RPTOR: variants seen among roughly 807,000 people sequenced by gnomAD.
The protein encoded by RPTOR is regulatory associated protein of MTOR complex 1.
A neutral mutation model predicts 169.9 loss-of-function variants in RPTOR; 21 were observed. That is an observed-to-expected ratio of 0.12 (90% CI 0.09 to 0.18). RPTOR has a LOEUF of 0.18. RPTOR is among the 10% of genes least tolerant of loss of function. The probability of loss-of-function intolerance (pLI) is 1.00; values close to 1 mark genes in which losing one functional copy is unlikely to be tolerated. For synonymous variants in RPTOR, 732 were observed against 753.2 expected, an observed-to-expected ratio of 0.97 and a Z score of 0.46; for missense variants, 1,133 against 1,855.9, an observed-to-expected ratio of 0.61 and a Z score of 7.16.
In RPTOR at chr17:80,548,216, T is replaced by C. The variant is rs549892284; in HGVS notation, c.162+2425T>C. The stretch of plus-strand genomic sequence containing the variant: ...CTCTCACCTCAGCCTCCCCAGTAGC[T>C]GAGACTATAAGTGTGCGCCAGTGTG... On this transcript the variant is annotated intron_variant, in intron 1 of 33. Transcript: ENST00000306801. Among the ~76,000 whole-genome samples the C allele has an allele frequency of 2.0e-4, 31 of 151,320 alleles. No homozygotes were observed. The East Asian group carries it at 6.1e-3, about 30-fold the overall frequency.
At chr17:80,582,186 TGTGGTGGAAGC>T (rs1331314566) in intron 1 of RPTOR, among the ~76,000 whole-genome samples, 2 of 152,290 alleles carry the variant, frequency 1.3e-5, no homozygotes, top group South Asian at 2.1e-4. Context: ...GAAAGATGCT[TGTGGTGGAAGC>T]GTGGTTACTA....
At position 80,685,620 on chromosome 17, in the gene RPTOR, TATA is replaced by T. The variant is rs1567856514; in HGVS notation, c.349-22220_349-22218del. Among the ~76,000 whole-genome samples the T allele has an allele frequency of 1.6e-3, 45 of 27,510 alleles. 1 individual carries two copies. Among genetic ancestry groups the T allele is most frequent in the South Asian group, 7.2e-3 (4 of 552 alleles). The allele number at this position is 27,510 out of a possible 152,430, so 18.0% of individuals were successfully genotyped here. A position where few individuals can be genotyped will look rare whatever the true frequency, so the allele number is the denominator to read the frequency against. ...CCATTTCCATATATATATATATATA[TATA>T]TATATTTTTTTTTTTTTTTTTTTTT... is the stretch of plus-strand genomic sequence containing the variant. On this transcript the variant is annotated intron_variant, in intron 3 of 33. Transcript: ENST00000306801.
intron 4 of RPTOR, among the ~76,000 whole-genome samples, chr17:80,729,165 C>T (rs796218027): frequency 5.9e-5 from 9 of 152,238 alleles, no homozygotes; most frequent in African/African-American, 1.2e-4. Flanking sequence ...GCTTCCTGCA[C>T]GCCATACTTC....
intron 10 of RPTOR, among the ~76,000 whole-genome samples, chr17:80,841,676 ACACT>A (rs67971586): frequency 0.05 from 5,465 of 109,656 alleles, 401 homozygotes; most frequent in Non-Finnish European, 0.062. Flanking sequence ...GCCGCAGCTC[ACACT>A]CACCGCACGG....
At chr17:80,583,458 C>T (rs530482575) in intron 1 of RPTOR, among the ~76,000 whole-genome samples, 7 of 152,238 alleles carry the variant, frequency 4.6e-5, no homozygotes, top group South Asian at 2.1e-4. Flanking sequence ...CCCAAAGTGC[C>T]GGGATTATAG....
chr17:80,929,877 T>G (rs915197869), intron 24 of RPTOR, among the ~76,000 whole-genome samples: 6 of 152,178 alleles, frequency 3.9e-5, no homozygotes, highest in Admixed American at 6.5e-5. Flanking sequence ...TTTTTCTGTT[T>G]TGTTTTGTTT....
intron 1 of RPTOR, among the ~76,000 whole-genome samples, chr17:80,604,933 T>C (rs200173294): frequency 6.4e-4 from 63 of 97,880 alleles, no homozygotes; most frequent in South Asian, 2.6e-3. Context: ...TTTTTTCCCC[T>C]TTTTTTTTTG....
rs143538703 is a variant in RPTOR, at chr17:80,816,021, C to T, written c.891-6180C>T. On this transcript the variant is annotated intron_variant, in intron 7 of 33. Transcript: ENST00000306801. ...CCGAGGGGCGTGGACACAGCTTCTA[C>T]GCAGGCAGTCGGAGAGCCACTGGGC... Among the ~76,000 whole-genome samples the T allele has an allele frequency of 1.1e-4, 16 of 152,130 alleles. No individual in the cohort carries two copies. In the East Asian group the frequency reaches 1.2e-3, roughly 11 times the overall value.
intron 5 of RPTOR, among the ~76,000 whole-genome samples, chr17:80,735,426 G>A (rs1363682824): frequency 6.6e-6 from 1 of 152,176 alleles, no homozygotes; most frequent in Non-Finnish European, 1.5e-5. Flanking sequence ...GAAAAAAAGA[G>A]AATTCAAATG....
chr17:80,938,685 G>A (rs985500577), intron 24 of RPTOR, among the ~76,000 whole-genome samples: 4 of 152,114 alleles, frequency 2.6e-5, no homozygotes, highest in Non-Finnish European at 5.9e-5. Flanking sequence ...TTTTTGCTGT[G>A]TTGTTGCTGT....
At chr17:80,650,673 A>T (rs953757279) in intron 3 of RPTOR, among the ~76,000 whole-genome samples, 3 of 152,334 alleles carry the variant, frequency 2.0e-5, no homozygotes, top group Non-Finnish European at 4.4e-5. Context: ...AAGCATTTGC[A>T]CCAGGGAGGC....
Position 80,959,253 on chromosome 17 carries a change from G to A in RPTOR, c.3478-825G>A, listed in dbSNP as rs954740194. On this transcript the variant is annotated intron_variant, in intron 29 of 33. Coordinates refer to ENST00000306801, the MANE Select transcript of RPTOR (RefSeq NM_020761.3). The surrounding 1 kb of genome is among the most constrained non-coding windows in gnomAD (Gnocchi z 6.7). ...GGGTCTTGCACCTGTCTGGAGCTGT[G>A]GCTCCACACGAGACGTAGCCCTCAG... Among the ~76,000 whole-genome samples, 1 of 152,222 alleles carries A rather than the reference G, an allele frequency of 6.6e-6. No homozygotes were observed. The highest frequency in any genetic ancestry group is 1.5e-5 in the Non-Finnish European group (1 of 68,012).
intron 7 of RPTOR, among the ~76,000 whole-genome samples, chr17:80,817,671 GTGAC>G (rs970435214): frequency 1.3e-5 from 2 of 152,180 alleles, no homozygotes; most frequent in Non-Finnish European, 2.9e-5. Flanking sequence ...CCTTGGGAGA[GTGAC>G]TGTGATGGGC....
chr17:80,911,662 G>A (rs1279022748), intron 21 of RPTOR, among the ~76,000 whole-genome samples: 1 of 152,084 alleles, frequency 6.6e-6, no homozygotes, highest in Non-Finnish European at 1.5e-5. Flanking sequence ...GCAAGCACTT[G>A]TGGTCGCAGC....
chr17:80,952,840 T>C (rs1416572280), intron 28 of RPTOR, among the ~76,000 whole-genome samples: 1 of 144,582 alleles, frequency 6.9e-6, no homozygotes, highest in Non-Finnish European at 1.5e-5. Flanking sequence ...CTCTCCCTTC[T>C]CTTTTTCTTT....
chr17:80,864,615 C>T lies in RPTOR; in HGVS notation c.1509+6715C>T, dbSNP rs1339370673. Reference sequence around the variant, plus strand: ...CATACAAAAGATGAAAGCTTATCCCCGGCAGATCCACACTACAAGAAACGT... The same window carrying T: ...CATACAAAAGATGAAAGCTTATCCCTGGCAGATCCACACTACAAGAAACGT... On this transcript the variant is annotated intron_variant, in intron 13 of 33. Transcript: ENST00000306801. Among the ~76,000 whole-genome samples the T allele has an allele frequency of 3.3e-5, 5 of 151,584 alleles. No homozygotes were observed. The East Asian group carries it at 5.8e-4, about 18-fold the overall frequency.
intron 6 of RPTOR, among the ~76,000 whole-genome samples, chr17:80,763,372 A>G (rs763551445): frequency 6.6e-6 from 1 of 152,250 alleles, no homozygotes; most frequent in African/African-American, 2.4e-5. Flanking sequence ...CTTAAAGCAG[A>G]AGCTGAGATA....
chr17:80,805,974 G>A (rs140526025), intron 7 of RPTOR, among the ~76,000 whole-genome samples: 2 of 152,292 alleles, frequency 1.3e-5, no homozygotes, highest in African/African-American at 4.8e-5. Context: ...GTAAAGATGA[G>A]CAGAAGTCTG....
In RPTOR at chr17:80,545,595, T is replaced by C. The variant is rs1257233902; in HGVS notation, c.-35T>C. 3.2e-6 allele frequency: 5 copies of C among 1,544,334 alleles called. No individual in the cohort carries two copies. The highest frequency in any genetic ancestry group is 4.4e-6 in the Non-Finnish European group (5 of 1,140,328). The stretch of plus-strand genomic sequence containing the variant: ...TTAAGGCTGGAGGTTCTCGAGCGCT[T>C]GCTGCCAAGGACTCCCCCACCCCCT... On this transcript the variant is annotated 5_prime_UTR_variant, in exon 1 of 34. Transcript: ENST00000306801.
Sources: gnomAD v4.1 joint callset for allele counts (sites outside exome capture counted in the v4.1 genomes callset) on GRCh38, gnomAD v4.1.1 for gene constraint, Gnocchi (gnomAD v3.1) non-coding constraint, MANE v1.5 for transcripts, NCBI Gene and HGNC (gene_info 2026-07-23, HGNC 2026-07-21) for gene names.